The following NBN variants were observed in gnomAD, a reference collection of about 807,000 sequenced individuals.
The protein encoded by NBN is Nijmegen breakage syndrome 1 (nibrin).
In NBN, 88 loss-of-function variants were observed where a neutral mutation model predicts 90.8. The ratio of observed to expected loss-of-function variants is 0.97; its 90% confidence interval spans 0.82 to 1.16. NBN has a LOEUF of 1.16. Among genes scored for constraint, NBN ranks in the 50% most tolerant of loss-of-function variants. NBN has a pLI of 0.00. For synonymous variants in NBN, 328 were observed against 295.1 expected, an observed-to-expected ratio of 1.11 and a Z score of -1.14; for missense variants, 894 against 869.6, an observed-to-expected ratio of 1.03 and a Z score of -0.35.
chr8:89,967,317 T>C (rs1156341639), intron 7 of NBN, among the ~76,000 whole-genome samples: 1 of 152,210 alleles, frequency 6.6e-6, no homozygotes, highest in Non-Finnish European at 1.5e-5. Context: ...CTGAATAGGC[T>C]CTGGCCACCC....
chr8:89,942,142 A>C (rs1296162516), intron 14 of NBN, among the ~76,000 whole-genome samples: 1 of 152,176 alleles, frequency 6.6e-6, no homozygotes, highest in African/African-American at 2.4e-5. Flanking sequence ...AAGAAAGAGA[A>C]ATAAACCTTA....
chr8:89,982,050 C>T (rs750921408), intron 2 of NBN: 8 of 732,410 alleles, frequency 1.1e-5, no homozygotes, highest in South Asian at 5.0e-5. Flanking sequence ...AAATTCATAT[C>T]GCATATATGC....
At chr8:89,941,688 G>A (rs188028368) in intron 14 of NBN, among the ~76,000 whole-genome samples, 16 of 152,184 alleles carry the variant, frequency 1.1e-4, no homozygotes, top group African/African-American at 3.1e-4. Flanking sequence ...GTTTAAATAG[G>A]TAATTTCTGG....
rs935027555 is a variant in NBN at position 89,971,119 on chromosome 8, G to A, written c.702+54C>T. ...ACAACTACTGATAAGAGTTAATAATGTATCCTAGTTTGTAATGTATTCTTT... is the reference window on the plus strand; with the variant it reads ...ACAACTACTGATAAGAGTTAATAATATATCCTAGTTTGTAATGTATTCTTT... On this transcript the variant is annotated intron_variant, in intron 6 of 15. Coordinates refer to ENST00000265433, the MANE Select transcript of NBN (RefSeq NM_002485.5). 3.9e-6 allele frequency: 6 copies of A among 1,531,842 alleles called. No individual in the cohort carries two copies. The African/African-American group carries it at 8.2e-5, about 21-fold the overall frequency. The allele number at this position is 1,531,842 out of a possible 1,614,324, so 94.9% of individuals were successfully genotyped here.
chr8:89,982,820 C>T lies in NBN; in HGVS notation c.73G>A (p.Val25Ile), dbSNP rs587781748. The T allele has an allele frequency of 1.6e-5, 26 of 1,613,562 alleles. No individual in the cohort carries two copies. Among genetic ancestry groups the T allele is most frequent in the South Asian group, 1.1e-4 (10 of 91,070 alleles). ...ATGGCACAGTTTTTCCTTCCAACAA[C>T]GTACTCAACGCCAGTCAAAAGTCTG... Reference protein sequence around the residue: ...PYRLLTGVEYVVGRKNCAILI... With the variant: ...PYRLLTGVEYIVGRKNCAILI... The change falls in exon 2 of 16, where the codon GTT becomes ATT. Residue 25 changes from valine to isoleucine, a missense_variant. Val to Ile is a conservative substitution (Grantham distance 29). Transcript: ENST00000265433.
Position 89,981,396 on chromosome 8 carries a change from C to G in NBN, c.299G>C (p.Gly100Ala), listed in dbSNP as rs2129914264. 1 of 1,613,994 alleles carries G rather than the reference C, an allele frequency of 6.2e-7. No individual in the cohort carries two copies. The highest frequency in any genetic ancestry group is 8.5e-7 in the Non-Finnish European group (1 of 1,179,972). Residue 100 changes from glycine (G) to alanine (A), a missense_variant, in exon 3 of 16, where the codon GGA (glycine) becomes GCA (alanine). Physicochemically the swap from Gly to Ala is moderately conservative, Grantham distance 60. Coordinates refer to ENST00000265433, the MANE Select transcript of NBN (RefSeq NM_002485.5). ...TTACCTGAATTTACTTCCAAACACT[C>G]CAAAAGTAATACCATCCCCCGACTT... ...TLKSGDGITF[G>A]VFGSKFRIEY...
chr8:89,964,405 A>G lies in NBN; in HGVS notation c.994+5T>C, dbSNP rs778254433. 3.7e-6 allele frequency: 6 copies of G among 1,613,552 alleles called. No homozygotes were observed. The highest frequency in any genetic ancestry group is 1.3e-5 in the African/African-American group (1 of 74,904). On this transcript the variant is annotated splice_donor_5th_base_variant and intron_variant, in intron 8 of 15. Coordinates refer to ENST00000265433, the MANE Select transcript of NBN (RefSeq NM_002485.5). ...AACGAATCAATAAAATAATGCTTCA[A>G]TTACCTGTACTGGGATGGCCCTGAG...
At position 89,984,574 on chromosome 8, in the gene NBN, T is replaced by C; in HGVS notation, c.-13A>G. ...GCAGTTTCCACATCGGTCCGGCTCC[T>C]CAGGGCTGGGGCCGACGTGCAACCG... is the stretch of plus-strand genomic sequence containing the variant. On this transcript the variant is annotated 5_prime_UTR_variant, in exon 1 of 16. Coordinates refer to ENST00000265433, the MANE Select transcript of NBN (RefSeq NM_002485.5). 6.2e-7 allele frequency: 1 copy of C among 1,612,832 alleles called. No homozygotes were observed. The highest frequency in any genetic ancestry group is 8.5e-7 in the Non-Finnish European group (1 of 1,179,720).
At chr8:89,943,656 T>C (rs1043750934) in intron 13 of NBN, among the ~76,000 whole-genome samples, 4 of 152,178 alleles carry the variant, frequency 2.6e-5, no homozygotes, top group African/African-American at 9.7e-5. Flanking sequence ...ACCTTATCAT[T>C]TAACAATTAA....
intron 2 of NBN, 50 bp from the exon 3 acceptor site, chr8:89,981,573 C>T (rs759207799): frequency 6.9e-6 from 11 of 1,598,186 alleles, no homozygotes; most frequent in Non-Finnish European, 8.5e-6. Flanking sequence ...AGTACATTCA[C>T]TTCTCAGAGA....
At chr8:89,980,125 AC>A (rs2129904050) in intron 4 of NBN, among the ~76,000 whole-genome samples, 1 of 152,278 alleles carries the variant, frequency 6.6e-6, no homozygotes, top group South Asian at 2.1e-4. Context: ...ATTACAGACA[AC>A]CCCACCAAAG....
Position 89,953,502 on chromosome 8 carries a change from T to C in NBN, c.1587A>G (p.Lys529=), listed in dbSNP as rs1057521983. 1.2e-6 allele frequency: 2 copies of C among 1,613,754 alleles called. No homozygotes were observed. Among genetic ancestry groups the C allele is most frequent in the South Asian group, 2.2e-5 (2 of 91,080 alleles). Residue 529 remains lysine (K), a synonymous_variant, in exon 11 of 16, where the codon AAA becomes AAG. Transcript: ENST00000265433. ...TACTGGCAGAATTTTTCACAATAGA[T>C]TTTAAATCTGTATCTGTAAATAAGT... The part of the protein sequence containing the change: ...DNNLFTDTDL[K]SIVKNSASKS...
intron 11 of NBN, 58 bp downstream of exon 11, chr8:89,953,186 T>C: frequency 7.9e-7 from 1 of 1,259,014 alleles, no homozygotes; most frequent in Non-Finnish European, 1.2e-6. Flanking sequence ...AAATCGAAAG[T>C]ACCTGTTAGC....
chr8:89,937,159 T>C, intron 14 of NBN, 84 bp from the exon 15 acceptor site: 1 of 1,308,362 alleles, frequency 7.6e-7, no homozygotes, highest in Non-Finnish European at 1.1e-6. Context: ...GTCACTGTCA[T>C]CTTAGAGATT....
intron 13 of NBN, among the ~76,000 whole-genome samples, chr8:89,945,626 C>A (rs1384521284): frequency 6.6e-6 from 1 of 152,042 alleles, no homozygotes; most frequent in Non-Finnish European, 1.5e-5. Context: ...GGATAGAAGT[C>A]TTTTTTTAAC....
intron 1 of NBN, among the ~76,000 whole-genome samples, chr8:89,983,196 T>C (rs1467163931): frequency 2.6e-5 from 4 of 152,138 alleles, no homozygotes; most frequent in African/African-American, 9.7e-5. Flanking sequence ...GAGTCAATGT[T>C]CCCTCAAATT....
intron 8 of NBN, among the ~76,000 whole-genome samples, chr8:89,962,440 A>G (rs999952073): frequency 1.3e-5 from 2 of 152,224 alleles, no homozygotes; most frequent in African/African-American, 4.8e-5. Context: ...TATCAACAAA[A>G]TAATATCTAC....
chr8:89,970,172 C>T lies in NBN; in HGVS notation c.896+192G>A, dbSNP rs145537390. 1.5e-4 allele frequency among the ~76,000 whole-genome samples: 23 copies of T among 152,052 alleles called. No individual in the cohort carries two copies. In the East Asian group the frequency reaches 4.2e-3, roughly 28 times the overall value. ...ACTAAGGCAGGAGAATTGCTTGAAC[C>T]CAGAAGGCAGAAGTTGCAGTGAGCC... On this transcript the variant is annotated intron_variant, in intron 7 of 15. Coordinates refer to ENST00000265433, the MANE Select transcript of NBN (RefSeq NM_002485.5).
chr8:89,979,202 T>C (rs1324045515), intron 4 of NBN, among the ~76,000 whole-genome samples: 1 of 151,866 alleles, frequency 6.6e-6, no homozygotes, highest in Non-Finnish European at 1.5e-5. Flanking sequence ...TGGTCTCAAA[T>C]TCCTGGGCTC....
Sources: allele counts gnomAD v4.1 joint callset (sites outside exome capture counted in the v4.1 genomes callset), GRCh38; gene constraint gnomAD v4.1.1; transcripts MANE v1.5; gene names NCBI Gene and HGNC (gene_info 2026-07-23, HGNC 2026-07-21).